CHAT: variants seen among roughly 807,000 people sequenced by gnomAD.
CHAT encodes acetyl CoA:choline O-acetyltransferase.
In CHAT, 61 loss-of-function variants were observed where a neutral mutation model predicts 76.9. The ratio of observed to expected loss-of-function variants is 0.79; its 90% CI spans 0.65 to 0.98. The LOEUF is 0.98. Ranked by LOEUF, CHAT falls within the 50% of genes least tolerant of loss-of-function variation. The probability of loss-of-function intolerance (pLI) is 0.00; values close to 1 mark genes in which losing one functional copy is unlikely to be tolerated. For synonymous variants in CHAT, 407 were observed against 397.4 expected (o/e 1.02, Z -0.29); for missense variants, 946 against 986.9 (o/e 0.96, Z 0.56).
rs1840298274 is a variant in CHAT at position 49,664,709 on chromosome 10, C to T, written c.1978-68C>T. 3.1e-6 allele frequency: 5 copies of T among 1,599,994 alleles called. 1 individual carries two copies. The Middle Eastern group carries it at 6.6e-4, about 212-fold the overall frequency. On this transcript the variant is annotated intron_variant, in intron 14 of 14. Transcript: ENST00000337653. ...AACCCCCAGGTGGAAAACAGAGAAGCCAAGCCCAGTCGAGGCTGGCGGGCT... is the reference window on the plus strand; with the variant it reads ...AACCCCCAGGTGGAAAACAGAGAAGTCAAGCCCAGTCGAGGCTGGCGGGCT...
intron 7 of CHAT, among the ~76,000 whole-genome samples, chr10:49,629,062 G>A (rs1839024685): frequency 6.6e-6 from 1 of 152,250 alleles, no homozygotes; most frequent in Non-Finnish European, 1.5e-5. Context: ...TGTCACTGTG[G>A]CCCGTTCGCT....
intron 10 of CHAT, 142 bp downstream of exon 10, chr10:49,649,778 A>C: frequency 2.5e-6 from 2 of 801,610 alleles, no homozygotes; most frequent in Non-Finnish European, 4.2e-6. Flanking sequence ...CCCATCCCTC[A>C]TGTAGTCAAA....
At chr10:49,618,725 A>C (rs1486555234) in intron 2 of CHAT, among the ~76,000 whole-genome samples, 1 of 152,230 alleles carries the variant, frequency 6.6e-6, no homozygotes, top group African/African-American at 2.4e-5. Context: ...GAGGCACAGC[A>C]TGCGTATAGA....
At chr10:49,619,145 T>C (rs1462438285) in intron 2 of CHAT, among the ~76,000 whole-genome samples, 1 of 152,196 alleles carries the variant, frequency 6.6e-6, no homozygotes, top group Non-Finnish European at 1.5e-5. Flanking sequence ...ATGTCTCTCA[T>C]CCAAAACCAT....
At chr10:49,611,339 T>A (rs1554800621), upstream of CHAT, 3 of 1,602,608 alleles carry the variant, frequency 1.9e-6, no homozygotes, top group Non-Finnish European at 2.5e-6. Context: ...ATAGCCATGA[T>A]CGCCGATAAG....
At chr10:49,619,585 G>A (rs1055802793) in intron 2 of CHAT, 140 bp from the exon 3 acceptor site, 4 of 810,352 alleles carry the variant, frequency 4.9e-6, no homozygotes, top group Admixed American at 2.0e-5. Flanking sequence ...TAATTTTGCT[G>A]AGCTGAGCCC....
At chr10:49,620,212 G>T (rs147325587) in intron 3 of CHAT, among the ~76,000 whole-genome samples, 2 of 152,092 alleles carry the variant, frequency 1.3e-5, no homozygotes, top group East Asian at 3.9e-4. Flanking sequence ...AAGAAGAGAG[G>T]GTGAAAGGCA....
At chr10:49,610,584 G>A (rs1838262558), upstream of CHAT, 2 of 637,946 alleles carry the variant, frequency 3.1e-6, no homozygotes, top group Non-Finnish European at 4.9e-6. Context: ...TCCTTTCCCG[G>A]GACGCTGGGC....
chr10:49,611,908 C>T, upstream of CHAT: 1 of 1,612,066 alleles, frequency 6.2e-7, no homozygotes, highest in Admixed American at 1.7e-5. Flanking sequence ...ACTATGCGGC[C>T]TCTGTTTTGG....
At position 49,614,371 on chromosome 10, in the gene CHAT, C is replaced by T; in HGVS notation, c.182C>T (p.Pro61Leu). The change falls in exon 1 of 15, where the codon CCC becomes CTC. Residue 61 changes from proline (P) to leucine (L), a missense_variant. By Grantham distance (98) the Pro-to-Leu change is moderately conservative. This residue lies in a region of CHAT where 548 missense variants were observed against 516.2 expected (regional missense o/e 1.06). Coordinates refer to ENST00000337653, the MANE Select transcript of CHAT (RefSeq NM_020549.5). ...GGGAACCCAGGCTGCAGCCCCCACC[C>T]CCGCGCTGCGACACGCCCCCCACCC... ...PAGNPGCSPH[P>L]RAATRPPPLP... The T allele has an allele frequency of 6.5e-7, 1 of 1,544,570 alleles. No homozygotes were observed. The highest frequency in any genetic ancestry group is 1.2e-5 in the South Asian group (1 of 83,766).
intron 8 of CHAT, chr10:49,647,177 C>T: frequency 5.5e-6 from 1 of 180,406 alleles, no homozygotes; most frequent in Non-Finnish European, 1.2e-5. Flanking sequence ...AGTAGAACAG[C>T]CCAGCATCTC....
At chr10:49,623,147 C>A (rs1222868061) in intron 5 of CHAT, among the ~76,000 whole-genome samples, 2 of 152,178 alleles carry the variant, frequency 1.3e-5, no homozygotes, top group African/African-American at 4.8e-5. Context: ...TTTGGTCTCT[C>A]CCTTCTTCGT....
At chr10:49,644,937 G>A (rs1402490863) in intron 7 of CHAT, among the ~76,000 whole-genome samples, 1 of 152,188 alleles carries the variant, frequency 6.6e-6, no homozygotes, top group Non-Finnish European at 1.5e-5. Flanking sequence ...CAAAACGCAG[G>A]CGAGAGCTCC....
At chr10:49,612,412 C>T (rs1188539441), upstream of CHAT, 6 of 1,464,568 alleles carry the variant, frequency 4.1e-6, no homozygotes, top group Admixed American at 2.2e-5. Context: ...CACTGGCCAG[C>T]TCTGGCTCAG....
chr10:49,656,201 T>C (rs1317556184), intron 13 of CHAT, among the ~76,000 whole-genome samples: 2 of 152,044 alleles, frequency 1.3e-5, no homozygotes, highest in Non-Finnish European at 2.9e-5. Context: ...TCTAATTCAG[T>C]TGCTAGGTCC....
upstream of CHAT, chr10:49,612,681 G>A (rs542598239): frequency 1.7e-4 from 51 of 296,426 alleles, no homozygotes; most frequent in African/African-American, 1.1e-3. Flanking sequence ...CTGCACCGCG[G>A]CGCCTCCGCC....
intron 14 of CHAT, among the ~76,000 whole-genome samples, chr10:49,663,175 A>G (rs1224105365): frequency 6.6e-6 from 1 of 152,134 alleles, no homozygotes; most frequent in Non-Finnish European, 1.5e-5. Flanking sequence ...GATTGCAGTG[A>G]GCCCTGATTG....
Position 49,667,433 on chromosome 10 carries a change from CA to C in CHAT, c.*2390del, listed in dbSNP as rs539668165. On this transcript the variant is annotated 3_prime_UTR_variant, in exon 15 of 15. Transcript: ENST00000337653. ...TAACTCACTCTGTACATTCAGATATCAAACTATGCACTGTGAGGGCTATGAG... is the reference window on the plus strand; with the variant it reads ...TAACTCACTCTGTACATTCAGATATCAACTATGCACTGTGAGGGCTATGAG... Among the ~76,000 whole-genome samples, 166 of 152,360 alleles carry C rather than the reference CA, an allele frequency of 1.1e-3. No homozygotes were observed. Among genetic ancestry groups the C allele is most frequent in the Non-Finnish European group, 2.0e-3 (139 of 68,036 alleles).
chr10:49,611,927 T>C, upstream of CHAT: 1 of 1,612,658 alleles, frequency 6.2e-7, no homozygotes, highest in South Asian at 1.1e-5. Context: ...GGCATAGCCC[T>C]AGTCGACACA....
Sources: gnomAD v4.1 joint callset for allele counts (sites outside exome capture counted in the v4.1 genomes callset) on GRCh38, gnomAD v4.1.1 for gene constraint, gnomAD v4.1.1 regional missense constraint, MANE v1.5 for transcripts, NCBI Gene and HGNC (gene_info 2026-07-23, HGNC 2026-07-21) for gene names.